The following SLC6A11 variants were observed in gnomAD, a reference collection of about 807,000 sequenced individuals.
SLC6A11 encodes the protein solute carrier family 6 member 11.
Under a neutral mutation model 74.8 loss-of-function variants are expected in SLC6A11, and 25 were observed. The ratio of observed to expected loss-of-function variants is 0.33; its 90% CI spans 0.24 to 0.47. The LOEUF (loss-of-function observed/expected upper bound fraction) is 0.47, where lower values mean the gene tolerates loss of function less well. SLC6A11 is among the 20% of genes least tolerant of loss of function. The probability of loss-of-function intolerance (pLI) is 1.00; values close to 1 mark genes in which losing one functional copy is unlikely to be tolerated. For synonymous variants in SLC6A11, 330 were observed against 330.2 expected (o/e 1.00, Z 0.01); for missense variants, 574 against 837.0 (o/e 0.69, Z 3.88).
In SLC6A11 at chr3:10,867,674, G is replaced by A. The variant is rs188181938; in HGVS notation, c.757-7287G>A. 4.3e-4 allele frequency among the ~76,000 whole-genome samples: 65 copies of A among 152,278 alleles called. No individual in the cohort carries two copies. The Middle Eastern group carries it at 0.021, about 48-fold the overall frequency. On this transcript the variant is annotated intron_variant, in intron 5 of 13. Coordinates refer to ENST00000254488, the MANE Select transcript of SLC6A11 (RefSeq NM_014229.3). The stretch of plus-strand genomic sequence containing the variant: ...AATCCAGAAAGAGTTCTTTCCACTC[G>A]TGGTCCACGGGATGATTTCAGTGAT...
intron 6 of SLC6A11, among the ~76,000 whole-genome samples, chr3:10,891,099 G>A (rs963990258): frequency 6.6e-6 from 1 of 152,074 alleles, no homozygotes; most frequent in African/African-American, 2.4e-5. Context: ...TCTACCATTG[G>A]GAAGGAATGA....
At chr3:10,901,459 C>T (rs923301238) in intron 6 of SLC6A11, among the ~76,000 whole-genome samples, 7 of 152,236 alleles carry the variant, frequency 4.6e-5, no homozygotes, top group Non-Finnish European at 5.9e-5. Flanking sequence ...ACCCTTTAGC[C>T]CAGTGACACT....
intron 6 of SLC6A11, among the ~76,000 whole-genome samples, chr3:10,881,163 C>T (rs1160295748): frequency 6.6e-6 from 1 of 152,126 alleles, no homozygotes; most frequent in African/African-American, 2.4e-5. Flanking sequence ...CCCCTGTAAT[C>T]CCAGCACTTT....
rs541724339 is a variant in SLC6A11, at chr3:10,903,760, A to G, written c.892-8330A>G. ...TGAATACTCTCCAGAGTATTTCTCA[A>G]TGCTCTCCAAGAGCCAGGACGGTAC... is the stretch of plus-strand genomic sequence containing the variant. On this transcript the variant is annotated intron_variant, in intron 6 of 13. Coordinates refer to ENST00000254488, the MANE Select transcript of SLC6A11 (RefSeq NM_014229.3). Among the ~76,000 whole-genome samples the G allele has an allele frequency of 8.0e-4, 122 of 152,294 alleles. 1 individual carries two copies. The highest frequency in any genetic ancestry group is 2.8e-3 in the African/African-American group (118 of 41,572).
At chr3:10,930,300 C>A (rs541936202) in intron 10 of SLC6A11, among the ~76,000 whole-genome samples, 1 of 152,186 alleles carries the variant, frequency 6.6e-6, no homozygotes, top group East Asian at 1.9e-4. Flanking sequence ...CCCATTACCA[C>A]GATCTATGGT....
intron 10 of SLC6A11, among the ~76,000 whole-genome samples, chr3:10,932,367 T>C (rs1017908265): frequency 1.8e-4 from 27 of 152,072 alleles, no homozygotes; most frequent in African/African-American, 5.3e-4. Context: ...ACAAAGCCAG[T>C]TGGACTCCCT....
At chr3:10,920,798 G>T (rs917892900) in intron 8 of SLC6A11, among the ~76,000 whole-genome samples, 1 of 152,216 alleles carries the variant, frequency 6.6e-6, no homozygotes, top group Non-Finnish European at 1.5e-5. Flanking sequence ...GTGCAGCCTG[G>T]ATCCGGTCTC....
intron 1 of SLC6A11, among the ~76,000 whole-genome samples, chr3:10,817,282 C>T (rs1694076461): frequency 6.6e-6 from 1 of 152,148 alleles, no homozygotes; most frequent in African/African-American, 2.4e-5. Flanking sequence ...AACAGCAATA[C>T]TGGTTTAATG....
At chr3:10,881,403 G>A (rs1432732946) in intron 6 of SLC6A11, among the ~76,000 whole-genome samples, 1 of 152,212 alleles carries the variant, frequency 6.6e-6, no homozygotes, top group African/African-American at 2.4e-5. Flanking sequence ...GGGACAAAGC[G>A]AGACTCCGTC....
intron 6 of SLC6A11, among the ~76,000 whole-genome samples, chr3:10,893,305 A>G (rs1695129087): frequency 6.6e-6 from 1 of 152,176 alleles, no homozygotes; most frequent in African/African-American, 2.4e-5. Context: ...TCTATCTTAT[A>G]CTTGCTCCCC....
Position 10,935,160 on chromosome 3 carries a change from C to A in SLC6A11, c.1707C>A (p.Ile569=). ...CCATGCTCTGCATCCCGCTCTGGAT[C>A]TGCATCACAGTGTGGAAGACGGAGG... is the stretch of plus-strand genomic sequence containing the variant. ...LSSMLCIPLW[I]CITVWKTEGT... The change falls in exon 13 of 14, where the codon ATC becomes ATA. Residue 569 remains isoleucine, a synonymous_variant. Transcript: ENST00000254488. 1 of 1,614,240 alleles carries A rather than the reference C, an allele frequency of 6.2e-7. No homozygotes were observed. Among genetic ancestry groups the A allele is most frequent in the Non-Finnish European group, 8.5e-7 (1 of 1,180,038 alleles).
intron 5 of SLC6A11, among the ~76,000 whole-genome samples, chr3:10,873,487 A>G: frequency 6.8e-6 from 1 of 147,826 alleles, no homozygotes; most frequent in African/African-American, 2.5e-5. Context: ...ACCATACCCT[A>G]CCCTATGCTA....
rs1394572890 is a variant in SLC6A11 at position 10,918,499 on chromosome 3, A to C, written c.1120+46A>C. 6.4e-7 allele frequency: 1 copy of C among 1,574,408 alleles called. No homozygotes were observed. Among genetic ancestry groups the C allele is most frequent in the Admixed American group, 1.9e-5 (1 of 51,954 alleles). The stretch of plus-strand genomic sequence containing the variant: ...GATGGAAAAGGCGGCAAGGGAGGCC[A>C]GGAGTGATGGTCATCATGGAAATGC... On this transcript the variant is annotated intron_variant, in intron 8 of 13. Transcript: ENST00000254488. The surrounding 1 kb of genome is among the most constrained non-coding windows in gnomAD (Gnocchi z 4.5).
chr3:10,860,318 A>G (rs1694688257), intron 5 of SLC6A11, among the ~76,000 whole-genome samples: 1 of 152,222 alleles, frequency 6.6e-6, no homozygotes, highest in East Asian at 1.9e-4. Flanking sequence ...GGCAGTGGAA[A>G]CTACATTGCA....
intron 5 of SLC6A11, among the ~76,000 whole-genome samples, chr3:10,866,323 G>C (rs996511842): frequency 6.6e-6 from 1 of 152,216 alleles, no homozygotes; most frequent in Non-Finnish European, 1.5e-5. Flanking sequence ...CCCACCTACA[G>C]AGGAAGCTGG....
chr3:10,909,776 C>T (rs1695362479), intron 6 of SLC6A11, among the ~76,000 whole-genome samples: 1 of 152,208 alleles, frequency 6.6e-6, no homozygotes, highest in Admixed American at 6.5e-5. Context: ...CTAAGCAGAA[C>T]AGGCAATCCA....
chr3:10,906,360 C>A (rs750019227), intron 6 of SLC6A11, among the ~76,000 whole-genome samples: 7 of 152,202 alleles, frequency 4.6e-5, no homozygotes, highest in Non-Finnish European at 7.3e-5. Context: ...TTAGGTATCA[C>A]CATGAACCAC....
intron 5 of SLC6A11, among the ~76,000 whole-genome samples, chr3:10,863,278 A>T (rs11928687): frequency 0.027 from 4,036 of 152,276 alleles, 158 homozygotes; most frequent in African/African-American, 0.093. Flanking sequence ...CTGTCTCCTG[A>T]GGGCTAATGT....
At chr3:10,863,328 A>T (rs1378754384) in intron 5 of SLC6A11, among the ~76,000 whole-genome samples, 2 of 152,242 alleles carry the variant, frequency 1.3e-5, no homozygotes, top group Non-Finnish European at 2.9e-5. Flanking sequence ...ACATGGGCTC[A>T]TTTAATCCTT....
Sources: gnomAD v4.1 joint callset for allele counts (sites outside exome capture counted in the v4.1 genomes callset) on GRCh38, gnomAD v4.1.1 for gene constraint, Gnocchi (gnomAD v3.1) non-coding constraint, MANE v1.5 for transcripts, NCBI Gene and HGNC (gene_info 2026-07-23, HGNC 2026-07-21) for gene names.